Variants in VPS13B observed in about 807,000 individuals in gnomAD.
VPS13B encodes the protein intermembrane lipid transfer protein VPS13B.
A neutral mutation model predicts 426.4 loss-of-function variants in VPS13B; 285 were observed. The ratio of observed to expected loss-of-function variants is 0.67; its 90% CI spans 0.61 to 0.74. VPS13B has a LOEUF of 0.74. Among genes scored for constraint, VPS13B ranks in the 30% least tolerant of loss-of-function variants. The pLI is 0.00. For synonymous variants in VPS13B, 1,676 were observed against 1,676.4 expected (o/e 1.00, Z 0.01); for missense variants, 4,537 against 4,782.6 (o/e 0.95, Z 1.51).
At position 99,836,907 on chromosome 8, in the gene VPS13B, A is replaced by G. The variant is rs570262004; in HGVS notation, c.9942+1169A>G. On this transcript the variant is annotated intron_variant, in intron 54 of 61. Coordinates refer to ENST00000357162, the MANE Select transcript of VPS13B (RefSeq NM_152564.5). ...GAGAAGTAGAAACTAAGACCTCCAGAAGTACCTTGGTCTAATTTGCATGTA... is the reference window on the plus strand; with the variant it reads ...GAGAAGTAGAAACTAAGACCTCCAGGAGTACCTTGGTCTAATTTGCATGTA... 6.6e-5 allele frequency among the ~76,000 whole-genome samples: 10 copies of G among 152,344 alleles called. No individual in the cohort carries two copies. The East Asian group carries it at 1.9e-3, about 29-fold the overall frequency.
chr8:99,623,231 CA>C (rs974944703), intron 33 of VPS13B, among the ~76,000 whole-genome samples: 3 of 152,102 alleles, frequency 2.0e-5, no homozygotes, highest in Non-Finnish European at 4.4e-5. Flanking sequence ...CAGACCTTTG[CA>C]AAGGTGCTTT....
intron 35 of VPS13B, among the ~76,000 whole-genome samples, chr8:99,672,996 G>A (rs1047477696): frequency 1.3e-5 from 2 of 151,906 alleles, no homozygotes; most frequent in African/African-American, 4.8e-5. Context: ...GCTTGATCAC[G>A]AGTAGATTTT....
At chr8:99,834,399 C>G (rs1737589949) in intron 52 of VPS13B, among the ~76,000 whole-genome samples, 1 of 152,084 alleles carries the variant, frequency 6.6e-6, no homozygotes, top group Non-Finnish European at 1.5e-5. Flanking sequence ...TCCTGCTAAT[C>G]AAAATGTACA....
intron 17 of VPS13B, among the ~76,000 whole-genome samples, chr8:99,200,942 C>T (rs12114957): frequency 0.02 from 3,073 of 151,738 alleles, 115 homozygotes; most frequent in African/African-American, 0.07. Flanking sequence ...ATGGTTTATC[C>T]CTTTGATACT....
intron 21 of VPS13B, among the ~76,000 whole-genome samples, chr8:99,419,935 G>T (rs1407518236): frequency 6.6e-6 from 1 of 152,100 alleles, no homozygotes; most frequent in Non-Finnish European, 1.5e-5. Flanking sequence ...CACTCTGTTG[G>T]TGTCAGCACT....
chr8:99,111,917 C>T (rs1366754590), intron 6 of VPS13B, among the ~76,000 whole-genome samples: 1 of 152,024 alleles, frequency 6.6e-6, no homozygotes, highest in Admixed American at 6.6e-5. Context: ...ACATAGTACC[C>T]AAAAGGAAGT....
intron 42 of VPS13B, among the ~76,000 whole-genome samples, chr8:99,780,955 C>T (rs1436682063): frequency 6.6e-6 from 1 of 152,142 alleles, no homozygotes; most frequent in Admixed American, 6.6e-5. Context: ...TGTGTGTATA[C>T]TGCTCACATA....
chr8:99,032,951 A>C (rs1388381485), intron 2 of VPS13B, among the ~76,000 whole-genome samples: 1 of 152,186 alleles, frequency 6.6e-6, no homozygotes, highest in African/African-American at 2.4e-5. Flanking sequence ...ACATTTCTCT[A>C]CTATAGCTCC....
chr8:99,234,198 T>C, intron 17 of VPS13B: 1 of 778,252 alleles, frequency 1.3e-6, no homozygotes. Context: ...GAAGGAATAG[T>C]TCTCAAACTG....
intron 17 of VPS13B, among the ~76,000 whole-genome samples, chr8:99,252,152 G>A (rs1817537170): frequency 6.6e-6 from 1 of 151,634 alleles, no homozygotes; most frequent in Admixed American, 6.6e-5. Flanking sequence ...GGTGTTTTAG[G>A]TGAGAGCTAG....
At chr8:99,319,558 A>G (rs1809861777) in intron 19 of VPS13B, among the ~76,000 whole-genome samples, 1 of 152,200 alleles carries the variant, frequency 6.6e-6, no homozygotes, top group Non-Finnish European at 1.5e-5. Context: ...TGGACATTGA[A>G]CAACTTCATT....
chr8:99,421,873 G>T (rs969438520), intron 21 of VPS13B, among the ~76,000 whole-genome samples: 6 of 151,964 alleles, frequency 3.9e-5, no homozygotes, highest in African/African-American at 1.5e-4. Flanking sequence ...GTAGAGACAA[G>T]GTTTTACCAT....
intron 20 of VPS13B, among the ~76,000 whole-genome samples, chr8:99,388,052 A>G (rs1171436221): frequency 6.6e-6 from 1 of 152,224 alleles, no homozygotes; most frequent in Admixed American, 6.5e-5. Flanking sequence ...TATAACATTT[A>G]TTAAAAATTA....
intron 3 of VPS13B, among the ~76,000 whole-genome samples, chr8:99,095,574 C>T (rs368146963): frequency 2.0e-4 from 30 of 152,058 alleles, no homozygotes; most frequent in African/African-American, 5.8e-4. Context: ...TACATGTGTT[C>T]GATAGATTCT....
chr8:99,312,664 G>T (rs923052686), intron 19 of VPS13B, among the ~76,000 whole-genome samples: 1 of 152,104 alleles, frequency 6.6e-6, no homozygotes, highest in African/African-American at 2.4e-5. Context: ...TGCTCCTCTT[G>T]AGGAGTATCT....
At chr8:99,699,331 G>A (rs992911048) in intron 35 of VPS13B, among the ~76,000 whole-genome samples, 194 bp from the exon 36 acceptor site, 6 of 151,898 alleles carry the variant, frequency 4.0e-5, no homozygotes, top group Non-Finnish European at 8.8e-5. Flanking sequence ...AGTAGTCCAG[G>A]GAGAGTGCTC....
At chr8:99,411,912 T>C (rs1815688062) in intron 21 of VPS13B, among the ~76,000 whole-genome samples, 1 of 152,202 alleles carries the variant, frequency 6.6e-6, no homozygotes, top group Non-Finnish European at 1.5e-5. Flanking sequence ...GGTCTATATA[T>C]CAGTTTTGGT....
chr8:99,258,598 A>G lies in VPS13B; in HGVS notation c.2516-15600A>G, dbSNP rs1013846012. Among the ~76,000 whole-genome samples the G allele has an allele frequency of 2.0e-5, 3 of 152,138 alleles. No homozygotes were observed. In the East Asian group the frequency reaches 5.8e-4, roughly 29 times the overall value. ...ATCACTACCTGACTTTGCCTAGTCA[A>G]TATTTTTTCTACCATATATTCAAAA... On this transcript the variant is annotated intron_variant, in intron 17 of 61. Transcript: ENST00000357162.
intron 57 of VPS13B, among the ~76,000 whole-genome samples, chr8:99,860,031 C>CTG (rs1305062413): frequency 6.6e-6 from 1 of 152,096 alleles, no homozygotes; most frequent in Non-Finnish European, 1.5e-5. Flanking sequence ...TTAGTTTTAT[C>CTG]TGTGTGTGTG....
Sources: gnomAD v4.1 joint callset for allele counts (sites outside exome capture counted in the v4.1 genomes callset) on GRCh38, gnomAD v4.1.1 for gene constraint, MANE v1.5 for transcripts, NCBI Gene and HGNC (gene_info 2026-07-23, HGNC 2026-07-21) for gene names.